Variants in CYTH3 observed in about 807,000 individuals in gnomAD.
CYTH3 encodes cytohesin-3.
In CYTH3, 23 loss-of-function variants were observed where a neutral mutation model predicts 55.1. The ratio of observed to expected loss-of-function variants is 0.42; its 90% CI spans 0.30 to 0.59. CYTH3 has a LOEUF of 0.59. CYTH3 is among the 20% of genes least tolerant of loss of function. The probability of loss-of-function intolerance (pLI) is 0.20; values close to 1 mark genes in which losing one functional copy is unlikely to be tolerated. For synonymous variants in CYTH3, 249 were observed against 194.9 expected (o/e 1.28, Z -2.31); for missense variants, 413 against 524.8 (o/e 0.79, Z 2.08).
chr7:6,190,130 T>C (rs915444509), intron 2 of CYTH3, among the ~76,000 whole-genome samples: 2 of 152,324 alleles, frequency 1.3e-5, no homozygotes, highest in South Asian at 4.1e-4. Context: ...GCTCGTGGCT[T>C]GCTGCTGCTT....
intron 1 of CYTH3, among the ~76,000 whole-genome samples, chr7:6,217,512 A>G (rs997421627): frequency 2.0e-5 from 3 of 152,248 alleles, no homozygotes; most frequent in Admixed American, 6.5e-5. Context: ...AAAAAGACAT[A>G]GCAATTCTAA....
intron 1 of CYTH3, among the ~76,000 whole-genome samples, chr7:6,222,570 C>A (rs1443649753): frequency 3.3e-5 from 5 of 152,126 alleles, no homozygotes; most frequent in Admixed American, 6.5e-5. Flanking sequence ...TACAGTGAAA[C>A]CCCGTCTCTA....
intron 1 of CYTH3, among the ~76,000 whole-genome samples, chr7:6,227,595 C>T (rs189720826): frequency 1.3e-5 from 2 of 152,280 alleles, no homozygotes; most frequent in East Asian, 3.9e-4. Flanking sequence ...CTATCAGGGC[C>T]CTTACTCTAC....
intron 1 of CYTH3, among the ~76,000 whole-genome samples, chr7:6,251,430 G>A (rs973584109): frequency 6.6e-6 from 1 of 151,800 alleles, no homozygotes; most frequent in African/African-American, 2.4e-5. Flanking sequence ...TTCTTTCAGT[G>A]GGAGGCAGAA....
chr7:6,179,887 CA>C (rs1562881745), intron 4 of CYTH3, among the ~76,000 whole-genome samples: 6 of 142,940 alleles, frequency 4.2e-5, no homozygotes, highest in African/African-American at 8.1e-5. Context: ...CCACACACAC[CA>C]CACACACCCA....
chr7:6,250,209 G>T (rs1441275256), intron 1 of CYTH3, among the ~76,000 whole-genome samples: 5 of 152,150 alleles, frequency 3.3e-5, no homozygotes, highest in Non-Finnish European at 5.9e-5. Flanking sequence ...TTGGTCTTCA[G>T]AGAGAGTAAA....
At chr7:6,237,225 C>G (rs1779546598) in intron 1 of CYTH3, among the ~76,000 whole-genome samples, 1 of 152,206 alleles carries the variant, frequency 6.6e-6, no homozygotes, top group Non-Finnish European at 1.5e-5. Context: ...CTGATAGGCA[C>G]TGGAGGTACA....
In CYTH3 at chr7:6,177,951, A is replaced by G. The variant is rs780976644; in HGVS notation, c.250-10T>C. 3 of 1,595,166 alleles carry G rather than the reference A, an allele frequency of 1.9e-6. No individual in the cohort carries two copies. The highest frequency in any genetic ancestry group is 2.6e-6 in the Non-Finnish European group (3 of 1,162,922). On this transcript the variant is annotated splice_polypyrimidine_tract_variant and intron_variant, in intron 4 of 12. Coordinates refer to ENST00000350796, the MANE Select transcript of CYTH3 (RefSeq NM_004227.4). ...TTAGAAACTGAATTCCCTGAAGAAC[A>G]TTAAAATGGAAGCACTGGTTAGGAG...
chr7:6,244,122 T>G (rs1177152161), intron 1 of CYTH3, among the ~76,000 whole-genome samples: 9 of 152,224 alleles, frequency 5.9e-5, no homozygotes, highest in Non-Finnish European at 1.5e-5. Context: ...GAATTGCATC[T>G]TATGTATCTG....
At chr7:6,214,004 G>C (rs1784376855) in intron 1 of CYTH3, among the ~76,000 whole-genome samples, 1 of 152,160 alleles carries the variant, frequency 6.6e-6, no homozygotes, top group Admixed American at 6.5e-5. Flanking sequence ...CCCTGACCTT[G>C]TAAGAGGAAC....
chr7:6,231,737 G>C (rs1306451306), intron 1 of CYTH3, among the ~76,000 whole-genome samples: 3 of 152,180 alleles, frequency 2.0e-5, no homozygotes, highest in African/African-American at 7.2e-5. Context: ...GAGAATCCTA[G>C]ATATTAACAT....
chr7:6,194,594 A>G (rs569393311), intron 1 of CYTH3, among the ~76,000 whole-genome samples: 3 of 152,350 alleles, frequency 2.0e-5, no homozygotes, highest in African/African-American at 7.2e-5. Context: ...TGACCCAGCA[A>G]TTTTACTCCC....
chr7:6,220,559 C>T (rs1267547908), intron 1 of CYTH3, among the ~76,000 whole-genome samples: 3 of 138,460 alleles, frequency 2.2e-5, no homozygotes, highest in Non-Finnish European at 3.0e-5. Context: ...GAGAAAGTCT[C>T]GAAACATCCT....
intron 1 of CYTH3, 64 bp downstream of exon 1, chr7:6,272,410 G>GGGGGGGGGGGCCCCCCCCC: frequency 1.6e-6 from 2 of 1,216,616 alleles, no homozygotes; most frequent in Non-Finnish European, 2.1e-6. Flanking sequence ...CCGCGCCCTC[G>GGGGGGGGGGGCCCCCCCCC]ACCCCCAGCC....
At chr7:6,235,794 T>C (rs1779507092) in intron 1 of CYTH3, among the ~76,000 whole-genome samples, 1 of 152,152 alleles carries the variant, frequency 6.6e-6, no homozygotes, top group African/African-American at 2.4e-5. Context: ...CCCACTCAAA[T>C]GTGGAGTTTT....
In CYTH3 at chr7:6,219,390, C is replaced by T. The variant is rs142627307; in HGVS notation, c.35-28859G>A. Among the ~76,000 whole-genome samples the T allele has an allele frequency of 1.7e-4, 26 of 152,282 alleles. 1 individual carries two copies. In the East Asian group the frequency reaches 5.0e-3, roughly 29 times the overall value. On this transcript the variant is annotated intron_variant, in intron 1 of 12. Transcript: ENST00000350796. ...ACTATTATGCAAAAAGGAACCAGGG[C>T]TTAATTTGGGAAATTCTGAGCCTGC... is the stretch of plus-strand genomic sequence containing the variant.
At chr7:6,204,049 G>GAA (rs113345169) in intron 1 of CYTH3, among the ~76,000 whole-genome samples, 56 of 116,172 alleles carry the variant, frequency 4.8e-4, no homozygotes, top group Middle Eastern at 8.1e-3. Context: ...GTTCACAATA[G>GAA]AAAAAAAAAA....
rs776649903 is a variant in CYTH3, at chr7:6,187,648, A to G, written c.182+9T>C. The G allele has an allele frequency of 2.5e-6, 4 of 1,610,704 alleles. No individual in the cohort carries two copies. Among genetic ancestry groups the G allele is most frequent in the Middle Eastern group, 1.6e-4 (1 of 6,062 alleles). On this transcript the variant is annotated intron_variant, in intron 3 of 12. Coordinates refer to ENST00000350796, the MANE Select transcript of CYTH3 (RefSeq NM_004227.4). The stretch of plus-strand genomic sequence containing the variant: ...TAAATAGCTTAAAGGTGTAGCCACA[A>G]ATTGTTACCTCTCCTCTACGGAAGT...
Position 6,172,302 on chromosome 7 carries a change from G to C in CYTH3, c.450-988C>G, listed in dbSNP as rs539720114. Among the ~76,000 whole-genome samples, 331 of 152,010 alleles carry C rather than the reference G, an allele frequency of 2.2e-3. 3 individuals are homozygous for C. Among genetic ancestry groups the C allele is most frequent in the African/African-American group, 7.7e-3 (319 of 41,434 alleles). On this transcript the variant is annotated intron_variant, in intron 6 of 12. Transcript: ENST00000350796. Reference sequence around the variant, plus strand: ...TCTCTCTTCCCAGGATTCCAGCCACGTCTGGCCCCACTCTCTACCAGGCCC... The same window carrying C: ...TCTCTCTTCCCAGGATTCCAGCCACCTCTGGCCCCACTCTCTACCAGGCCC...
Sources: gnomAD v4.1 joint callset for allele counts (sites outside exome capture counted in the v4.1 genomes callset) on GRCh38, gnomAD v4.1.1 for gene constraint, MANE v1.5 for transcripts, NCBI Gene and HGNC (gene_info 2026-07-23, HGNC 2026-07-21) for gene names.